PLEKHH2: variants seen among roughly 807,000 people sequenced by gnomAD.
PLEKHH2 encodes pleckstrin homology, MyTH4 and FERM domain containing H2.
In PLEKHH2, 129 loss-of-function variants were observed where a neutral mutation model predicts 187.9. The observed-to-expected ratio is 0.69, with a 90% CI of 0.59 to 0.79. The LOEUF is 0.79. Among genes scored for constraint, PLEKHH2 ranks in the 30% least tolerant of loss-of-function variants. The pLI is 0.00. For missense variants in PLEKHH2, 2,076 were observed against 1,751.2 expected (o/e 1.19, Z -3.31); for synonymous variants, 686 against 605.6 (o/e 1.13, Z -1.95).
intron 15 of PLEKHH2, among the ~76,000 whole-genome samples, chr2:43,716,400 C>T (rs535700310): frequency 2.6e-5 from 4 of 152,192 alleles, no homozygotes; most frequent in Admixed American, 6.5e-5. Flanking sequence ...AACATTATTC[C>T]GTACGACAAT....
chr2:43,755,431 C>A (rs777364173), intron 25 of PLEKHH2, among the ~76,000 whole-genome samples: 1 of 152,172 alleles, frequency 6.6e-6, no homozygotes, highest in African/African-American at 2.4e-5. Context: ...TCTCATACTG[C>A]CTGCTGTCCT....
intron 24 of PLEKHH2, among the ~76,000 whole-genome samples, chr2:43,751,343 C>A (rs1399805554): frequency 6.6e-6 from 1 of 152,024 alleles, no homozygotes; most frequent in Non-Finnish European, 1.5e-5. Flanking sequence ...AACCAGTAGA[C>A]CATGGTGGAC....
At chr2:43,648,560 C>CGCGTGT (rs372024531) in intron 2 of PLEKHH2, among the ~76,000 whole-genome samples, 1 of 137,852 alleles carries the variant, frequency 7.3e-6, no homozygotes, top group Admixed American at 7.4e-5. Context: ...TAATTACATT[C>CGCGTGT]GTGTGTGTGT....
At chr2:43,733,037 A>T (rs1671118301) in intron 19 of PLEKHH2, among the ~76,000 whole-genome samples, 1 of 152,178 alleles carries the variant, frequency 6.6e-6, no homozygotes, top group South Asian at 2.1e-4. Context: ...AGAAAATTAG[A>T]GGACATCAGA....
At chr2:43,742,552 G>C (rs555699098) in intron 21 of PLEKHH2, among the ~76,000 whole-genome samples, 189 bp from the exon 22 acceptor site, 1 of 152,190 alleles carries the variant, frequency 6.6e-6, no homozygotes, top group Admixed American at 6.5e-5. Context: ...GAGTGAGGCA[G>C]TTACAAAAAT....
intron 20 of PLEKHH2, among the ~76,000 whole-genome samples, chr2:43,738,859 A>G (rs1368987446): frequency 1.3e-5 from 2 of 152,120 alleles, no homozygotes; most frequent in African/African-American, 2.4e-5. Flanking sequence ...ACATTTCTAT[A>G]TTTTTTCCTA....
At position 43,765,940 on chromosome 2, in the gene PLEKHH2, T is replaced by G. The variant is rs1021848145; in HGVS notation, c.*342T>G. The G allele has an allele frequency of 5.2e-6, 1 of 191,038 alleles. No homozygotes were observed. Among genetic ancestry groups the G allele is most frequent in the Non-Finnish European group, 1.1e-5 (1 of 93,850 alleles). The allele number at this position is 191,038 out of a possible 1,614,324, so 11.8% of individuals were successfully genotyped here. Reference sequence around the variant, plus strand: ...TCCCCTTTTTAATATTCTGGCAATCTTTAGAAAGGGAGATTCCAAACTCCC... The same window carrying G: ...TCCCCTTTTTAATATTCTGGCAATCGTTAGAAAGGGAGATTCCAAACTCCC... On this transcript the variant is annotated 3_prime_UTR_variant, in exon 30 of 30. Transcript: ENST00000282406.
chr2:43,727,919 T>G (rs1670844076), intron 17 of PLEKHH2, among the ~76,000 whole-genome samples: 1 of 152,196 alleles, frequency 6.6e-6, no homozygotes, highest in Admixed American at 6.5e-5. Flanking sequence ...CTGAGGAATT[T>G]AATGGCTAAT....
At chr2:43,676,382 T>C in intron 2 of PLEKHH2, 1 of 1,375,936 alleles carries the variant, frequency 7.3e-7, no homozygotes, top group Non-Finnish European at 9.8e-7. Context: ...GGTCCTGGGG[T>C]CCCGCGCCTT....
At chr2:43,693,491 C>G (rs1287960608) in intron 4 of PLEKHH2, among the ~76,000 whole-genome samples, 4 of 151,922 alleles carry the variant, frequency 2.6e-5, no homozygotes, top group Non-Finnish European at 5.9e-5. Context: ...TTTGGGAGGC[C>G]AAGGCAGGTG....
At chr2:43,690,678 G>A (rs1339261335) in intron 3 of PLEKHH2, among the ~76,000 whole-genome samples, 1 of 152,030 alleles carries the variant, frequency 6.6e-6, no homozygotes, top group East Asian at 1.9e-4. Flanking sequence ...AATCTGAAAC[G>A]TTGCTAAAAT....
At chr2:43,706,143 A>C (rs563266013) in intron 9 of PLEKHH2, among the ~76,000 whole-genome samples, 179 bp from the exon 10 acceptor site, 6 of 152,344 alleles carry the variant, frequency 3.9e-5, no homozygotes, top group African/African-American at 1.2e-4. Context: ...ACCATGTAAA[A>C]AAGTGTATAA....
At chr2:43,730,487 C>A (rs1385758930) in intron 18 of PLEKHH2, among the ~76,000 whole-genome samples, 1 of 152,190 alleles carries the variant, frequency 6.6e-6, no homozygotes, top group Non-Finnish European at 1.5e-5. Flanking sequence ...CAACCTCTGC[C>A]TCCTGGGCTC....
intron 1 of PLEKHH2, among the ~76,000 whole-genome samples, chr2:43,638,277 ACACACACACACT>A (rs1376842645): frequency 3.1e-5 from 4 of 129,128 alleles, no homozygotes; most frequent in Non-Finnish European, 5.2e-5. Flanking sequence ...ACACACACAC[ACACACACACACT>A]CACACACACG....
chr2:43,688,655 GGA>G (rs1668643395), intron 3 of PLEKHH2, among the ~76,000 whole-genome samples: 1 of 152,148 alleles, frequency 6.6e-6, no homozygotes, highest in Non-Finnish European at 1.5e-5. Context: ...ATAACTCATG[GGA>G]CCCAGAAAAG....
intron 1 of PLEKHH2, among the ~76,000 whole-genome samples, chr2:43,642,740 T>G (rs951785754): frequency 2.0e-5 from 3 of 152,204 alleles, no homozygotes; most frequent in Admixed American, 6.5e-5. Flanking sequence ...TTCTTTATTC[T>G]TTTCACATGG....
At chr2:43,732,452 A>G (rs1671089721) in intron 19 of PLEKHH2, among the ~76,000 whole-genome samples, 1 of 152,118 alleles carries the variant, frequency 6.6e-6, no homozygotes, top group South Asian at 2.1e-4. Context: ...TTCACTCACC[A>G]ATGCCATGAT....
chr2:43,717,118 G>T (rs562947854), intron 15 of PLEKHH2, among the ~76,000 whole-genome samples: 1 of 152,214 alleles, frequency 6.6e-6, no homozygotes, highest in African/African-American at 2.4e-5. Flanking sequence ...TATGAATGAG[G>T]TAAAGAACAA....
At position 43,740,988 on chromosome 2, in the gene PLEKHH2, C is replaced by T. The variant is rs777943348; in HGVS notation, c.3166C>T (p.His1056Tyr). ...LALCVGLFLP[H>Y]HPFLWLLRLH... Reference sequence around the variant, plus strand: ...ACTCTGCGTTGGGCTCTTCCTTCCCCATCATCCTTTCCTGTGGCTCCTCAG... The same window carrying T: ...ACTCTGCGTTGGGCTCTTCCTTCCCTATCATCCTTTCCTGTGGCTCCTCAG... The change falls in exon 21 of 30, where the codon CAT becomes TAT. Residue 1056 changes from histidine to tyrosine, a missense_variant. Physicochemically the swap from His to Tyr is moderately conservative, Grantham distance 83 (BLOSUM62 2). Transcript: ENST00000282406. 2.5e-6 allele frequency: 4 copies of T among 1,614,108 alleles called. No individual in the cohort carries two copies. The highest frequency in any genetic ancestry group is 3.4e-6 in the Non-Finnish European group (4 of 1,179,986).
Sources: allele counts gnomAD v4.1 joint callset (sites outside exome capture counted in the v4.1 genomes callset), GRCh38; gene constraint gnomAD v4.1.1; transcripts MANE v1.5; gene names NCBI Gene and HGNC (gene_info 2026-07-23, HGNC 2026-07-21).